TRIM36: variants seen among roughly 807,000 people sequenced by gnomAD.
TRIM36 encodes E3 ubiquitin-protein ligase TRIM36.
In TRIM36, 42 loss-of-function variants were observed where a neutral mutation model predicts 72.4. That is an observed-to-expected ratio of 0.58 (90% CI 0.45 to 0.75). The LOEUF is 0.75. TRIM36 is among the 30% of genes least tolerant of loss of function. The probability of loss-of-function intolerance (pLI) is 0.00; values close to 1 mark genes in which losing one functional copy is unlikely to be tolerated. For synonymous variants in TRIM36, 315 were observed against 282.8 expected (o/e 1.11, Z -1.14); for missense variants, 913 against 857.1 (o/e 1.07, Z -0.81).
intron 8 of TRIM36, among the ~76,000 whole-genome samples, chr5:115,131,293 A>C (rs1752663601): frequency 6.6e-6 from 1 of 152,266 alleles, no homozygotes; most frequent in East Asian, 1.9e-4. Context: ...AGTTTTGTTA[A>C]TTTGGGTCAT....
intron 5 of TRIM36, among the ~76,000 whole-genome samples, chr5:115,140,919 C>T (rs1422938485): frequency 1.3e-5 from 2 of 152,220 alleles, no homozygotes; most frequent in East Asian, 3.9e-4. Context: ...CTGCATACAG[C>T]ACATTTTCCA....
At chr5:115,150,857 AG>A in intron 2 of TRIM36, among the ~76,000 whole-genome samples, 1 of 152,350 alleles carries the variant, frequency 6.6e-6, no homozygotes. Context: ...ATACAAGGGT[AG>A]AGGAAGCAGT....
intron 9 of TRIM36, among the ~76,000 whole-genome samples, chr5:115,129,360 C>T (rs906792732): frequency 4.6e-5 from 7 of 152,036 alleles, no homozygotes; most frequent in Admixed American, 3.3e-4. Flanking sequence ...GTCGGGAATT[C>T]GAGACCAGCC....
At chr5:115,140,350 T>G (rs1337713281) in intron 5 of TRIM36, among the ~76,000 whole-genome samples, 1 of 152,192 alleles carries the variant, frequency 6.6e-6, no homozygotes, top group Non-Finnish European at 1.5e-5. Flanking sequence ...ATCTGGACTT[T>G]TAAAACAACC....
intron 1 of TRIM36, among the ~76,000 whole-genome samples, chr5:115,179,810 T>C (rs1755532598): frequency 6.6e-6 from 1 of 152,224 alleles, no homozygotes; most frequent in Admixed American, 6.5e-5. Flanking sequence ...GGCGGCTACT[T>C]TGCATTCCGC....
chr5:115,171,002 T>C, upstream of TRIM36: 1 of 1,540,058 alleles, frequency 6.5e-7, no homozygotes, highest in Middle Eastern at 1.8e-4. Flanking sequence ...ACTGCCTTTC[T>C]GGCTAGCTAA....
intron 7 of TRIM36, among the ~76,000 whole-genome samples, chr5:115,136,587 T>C (rs1251276508): frequency 6.6e-6 from 1 of 152,008 alleles, no homozygotes; most frequent in African/African-American, 2.4e-5. Context: ...CTGACAAGGA[T>C]GTGCGACACA....
intron 1 of TRIM36, chr5:115,177,855 C>G (rs1439717726): frequency 3.1e-6 from 5 of 1,614,090 alleles, no homozygotes; most frequent in Non-Finnish European, 4.2e-6. Flanking sequence ...GGGTTTGCTG[C>G]AGGCCCATTG....
rs370561941 is a variant in TRIM36, at chr5:115,137,447, T to C, written c.1001A>G (p.Asn334Ser). The change falls in exon 6 of 10, where the codon AAT (asparagine) becomes AGT (serine). Residue 334 changes from asparagine to serine, a missense_variant. Asn to Ser is a conservative substitution (Grantham distance 46, BLOSUM62 1). Coordinates refer to ENST00000513154, the MANE Select transcript of TRIM36 (RefSeq NM_001300759.2). ...MEEYQGLLEN[N>S]GLVGYAQEVL... ...TTCTTGAGCATATCCCACAAGTCCA[T>C]TGTTCTCTAGAAGTCCCTGGTACTC... The C allele has an allele frequency of 1.1e-5, 18 of 1,614,042 alleles. No homozygotes were observed. The highest frequency in any genetic ancestry group is 4.5e-5 in the East Asian group (2 of 44,882).
chr5:115,158,126 T>G (rs960363919), intron 2 of TRIM36, among the ~76,000 whole-genome samples: 5 of 112,516 alleles, frequency 4.4e-5, no homozygotes, highest in African/African-American at 2.4e-4. Context: ...TAAAAAAAAT[T>G]TTAAAAATGA....
chr5:115,160,731 C>T (rs541527075), intron 2 of TRIM36, among the ~76,000 whole-genome samples: 214 of 152,066 alleles, frequency 1.4e-3, no homozygotes, highest in Admixed American at 3.3e-3. Context: ...CTCTAGTCTC[C>T]GGTATGTAGG....
At chr5:115,155,683 C>G (rs1295569889) in intron 2 of TRIM36, among the ~76,000 whole-genome samples, 3 of 152,146 alleles carry the variant, frequency 2.0e-5, no homozygotes, top group African/African-American at 7.2e-5. Flanking sequence ...TAAAACCCAT[C>G]TATGACAAAC....
In TRIM36 at chr5:115,141,348, G is replaced by C. The variant is rs1439102128; in HGVS notation, c.762C>G (p.Tyr254Ter). The C allele has an allele frequency of 6.2e-7, 1 of 1,600,756 alleles. No individual in the cohort carries two copies. Among genetic ancestry groups the C allele is most frequent in the Non-Finnish European group, 8.5e-7 (1 of 1,176,162 alleles). ...LKEKLSKDID[Y>*]LIGKESQVKS... is the part of the protein sequence containing the mutation. ...TCACCTGGCTTTCCTTACCAATAAG[G>C]TAATCAATATCCTTTGAAAGCTTTT... Residue 254 changes from tyrosine (Y) to a stop codon, truncating the protein, a stop_gained, in exon 5 of 10, where the codon TAC (tyrosine) becomes TAG (stop). Coordinates refer to ENST00000513154, the MANE Select transcript of TRIM36 (RefSeq NM_001300759.2). LOFTEE classifies it high-confidence loss of function.
chr5:115,139,447 T>C lies in TRIM36; in HGVS notation c.832-1831A>G, dbSNP rs1753154999. Among the ~76,000 whole-genome samples the C allele has an allele frequency of 2.0e-5, 3 of 152,208 alleles. No individual in the cohort carries two copies. In the South Asian group the frequency reaches 6.2e-4, roughly 31 times the overall value. ...AGAACATTCTTAAAAGCTGACAATA[T>C]ATGGCAGAAGCGTACTGTGCATTAT... On this transcript the variant is annotated intron_variant, in intron 5 of 9. Coordinates refer to ENST00000513154, the MANE Select transcript of TRIM36 (RefSeq NM_001300759.2).
At chr5:115,171,462 G>C (rs527245769), upstream of TRIM36, among the ~76,000 whole-genome samples, 1 of 152,292 alleles carries the variant, frequency 6.6e-6, no homozygotes, top group South Asian at 2.1e-4. Flanking sequence ...ATGCCTGCGT[G>C]AATTAGGTGC....
chr5:115,159,631 C>T, intron 2 of TRIM36: 1 of 453,718 alleles, frequency 2.2e-6, no homozygotes, highest in Middle Eastern at 3.3e-4. Flanking sequence ...AGCAATAAAA[C>T]ATTTTCTACC....
chr5:115,135,945 A>C (rs1290190325), intron 7 of TRIM36, among the ~76,000 whole-genome samples: 1 of 152,190 alleles, frequency 6.6e-6, no homozygotes, highest in African/African-American at 2.4e-5. Flanking sequence ...TAATTATACT[A>C]TAAATATATC....
intron 2 of TRIM36, among the ~76,000 whole-genome samples, chr5:115,158,519 G>A (rs972010054): frequency 1.3e-5 from 2 of 152,186 alleles, no homozygotes; most frequent in African/African-American, 2.4e-5. Context: ...TTCTGGCTGC[G>A]ACTTCCCCAT....
chr5:115,178,325 T>C (rs1755439498), intron 1 of TRIM36, among the ~76,000 whole-genome samples: 1 of 152,208 alleles, frequency 6.6e-6, no homozygotes, highest in South Asian at 2.1e-4. Flanking sequence ...GGCATTCTTT[T>C]TCCTCCCTGC....
Sources: gnomAD v4.1 joint callset for allele counts (sites outside exome capture counted in the v4.1 genomes callset) on GRCh38, gnomAD v4.1.1 for gene constraint, MANE v1.5 for transcripts, NCBI Gene and HGNC (gene_info 2026-07-23, HGNC 2026-07-21) for gene names.